Variants in TMCO5A observed in about 807,000 individuals in gnomAD.
The protein encoded by TMCO5A is transmembrane and coiled-coil domains 5A.
Under a neutral mutation model 42.3 loss-of-function variants are expected in TMCO5A, and 34 were observed. The observed-to-expected ratio is 0.80, with a 90% confidence interval of 0.61 to 1.07. The LOEUF (loss-of-function observed/expected upper bound fraction) is 1.07. TMCO5A is among the 50% of genes least tolerant of loss of function. The pLI is 0.00. For synonymous variants in TMCO5A, 131 were observed against 115.6 expected, an observed-to-expected ratio of 1.13 and a Z score of -0.86; for missense variants, 357 against 327.9, an observed-to-expected ratio of 1.09 and a Z score of -0.69.
At chr15:37,966,520 A>G in intron 11 of TMCO5A, 1 of 699,158 alleles carries the variant, frequency 1.4e-6, no homozygotes, top group Non-Finnish European at 2.6e-6. Context: ...TGTACCCACA[A>G]AATTTTTTTC....
intron 11 of TMCO5A, among the ~76,000 whole-genome samples, chr15:37,950,396 TC>T (rs1401166116): frequency 6.6e-6 from 1 of 152,132 alleles, no homozygotes; most frequent in Non-Finnish European, 1.5e-5. Flanking sequence ...TTCTTTAACA[TC>T]TTAGAGCAAG....
the TMCO5A span, among the ~76,000 whole-genome samples, chr15:37,998,938 C>T: frequency 6.6e-6 from 1 of 151,956 alleles, no homozygotes; most frequent in African/African-American, 2.4e-5. Flanking sequence ...TGGAGTTTCG[C>T]TCTTGTTGCC....
chr15:37,998,825 A>G, the TMCO5A span, among the ~76,000 whole-genome samples: 1 of 152,206 alleles, frequency 6.6e-6, no homozygotes, highest in Non-Finnish European at 1.5e-5. Flanking sequence ...CTTCCAATCC[A>G]TGAACACGAA....
At chr15:37,997,620 A>G in the TMCO5A span, among the ~76,000 whole-genome samples, 31 of 152,318 alleles carry the variant, frequency 2.0e-4, no homozygotes, top group Admixed American at 4.6e-4. Context: ...GTGGATGGAC[A>G]CTTAGGCTGC....
At chr15:38,006,026 A>G in the TMCO5A span, among the ~76,000 whole-genome samples, 1 of 152,290 alleles carries the variant, frequency 6.6e-6, no homozygotes, top group South Asian at 2.1e-4. Context: ...AGTGATCTGT[A>G]CCCAGTCTTA....
At chr15:37,941,317 C>T (rs1889731370) in intron 7 of TMCO5A, 112 bp downstream of exon 7, 2 of 1,070,494 alleles carry the variant, frequency 1.9e-6, no homozygotes, top group Non-Finnish European at 1.4e-6. Context: ...GATCCAAGAC[C>T]ATGATGGGGC....
the TMCO5A span, among the ~76,000 whole-genome samples, chr15:37,979,043 A>C: frequency 6.6e-6 from 1 of 151,760 alleles, no homozygotes; most frequent in African/African-American, 2.4e-5. Context: ...ATCACCTCCC[A>C]CCAGGCCCCA....
At chr15:37,947,582 C>T in intron 10 of TMCO5A, 74 bp from the exon 11 acceptor site, 1 of 931,468 alleles carries the variant, frequency 1.1e-6, no homozygotes, top group Non-Finnish European at 1.7e-6. Context: ...TAACTAATGG[C>T]TCACTAAATA....
chr15:38,031,334 A>G, the TMCO5A span, among the ~76,000 whole-genome samples: 4,595 of 152,208 alleles, frequency 0.03, 256 homozygotes, highest in African/African-American at 0.11. Context: ...ATGGCCCCCA[A>G]TGACCCCAGC....
Position 37,936,949 on chromosome 15 carries a change from G to A in TMCO5A, c.243G>A (p.Leu81=), listed in dbSNP as rs1466154336. The A allele has an allele frequency of 3.7e-6, 6 of 1,612,316 alleles. No individual in the cohort carries two copies. The highest frequency in any genetic ancestry group is 2.7e-5 in the African/African-American group (2 of 74,818). The change falls in exon 4 of 12, where the codon CTG becomes CTA. Residue 81 remains leucine, a synonymous_variant. Coordinates refer to ENST00000319669, the MANE Select transcript of TMCO5A (RefSeq NM_152453.4). The part of the protein sequence containing the change: ...TMERERALQE[L]EEETARLERK... ...AAAGGGAAAGAGCCTTGCAGGAGCTGGAGGAAGAAACAGCCAGACTTGTAA... is the reference window on the plus strand; with the variant it reads ...AAAGGGAAAGAGCCTTGCAGGAGCTAGAGGAAGAAACAGCCAGACTTGTAA...
the TMCO5A span, among the ~76,000 whole-genome samples, chr15:38,014,431 C>A: frequency 6.6e-6 from 1 of 152,100 alleles, no homozygotes; most frequent in African/African-American, 2.4e-5. Context: ...TTTGTTTCCT[C>A]AACTTTAACC....
the TMCO5A span, among the ~76,000 whole-genome samples, chr15:38,015,299 C>T: frequency 2.6e-5 from 4 of 152,054 alleles, no homozygotes; most frequent in Non-Finnish European, 5.9e-5. Context: ...GACAGAAAGT[C>T]AAATGCAACT....
chr15:38,040,691 C>T, the TMCO5A span: 5 of 152,110 alleles, frequency 3.3e-5, no homozygotes, highest in Admixed American at 6.6e-5. Flanking sequence ...AGAAAGAAGC[C>T]GGTCACAAAG....
the TMCO5A span, among the ~76,000 whole-genome samples, chr15:37,982,583 TTA>T: frequency 1.5e-5 from 1 of 68,038 alleles, no homozygotes; most frequent in African/African-American, 1.9e-4. Flanking sequence ...ATTTAATATA[TTA>T]TATATACTAT....
downstream of TMCO5A, among the ~76,000 whole-genome samples, chr15:37,971,656 T>C (rs941843432): frequency 6.6e-6 from 1 of 152,218 alleles, no homozygotes; most frequent in African/African-American, 2.4e-5. Context: ...CCAAGTCATA[T>C]CTTTAATGCT....
the TMCO5A span, among the ~76,000 whole-genome samples, chr15:37,972,793 C>G: frequency 6.6e-6 from 1 of 152,156 alleles, no homozygotes; most frequent in African/African-American, 2.4e-5. Context: ...CAGATTCCAT[C>G]TGACAATTTT....
At chr15:37,978,125 C>G in the TMCO5A span, among the ~76,000 whole-genome samples, 1 of 152,216 alleles carries the variant, frequency 6.6e-6, no homozygotes, top group Non-Finnish European at 1.5e-5. Flanking sequence ...GGAACGGGAA[C>G]GTTAAGCCAA....
the TMCO5A span, among the ~76,000 whole-genome samples, chr15:37,998,069 C>T: frequency 0.23 from 35,129 of 152,040 alleles, 9,630 homozygotes; most frequent in African/African-American, 0.66. Flanking sequence ...CCTATAGAGT[C>T]GTTTGAGCTC....
At chr15:38,010,217 A>G in the TMCO5A span, among the ~76,000 whole-genome samples, 1 of 151,106 alleles carries the variant, frequency 6.6e-6, no homozygotes, top group African/African-American at 2.4e-5. Context: ...ACTAAAAAAA[A>G]TACAAAAAAT....
Sources: gnomAD v4.1 joint callset for allele counts (sites outside exome capture counted in the v4.1 genomes callset) on GRCh38, gnomAD v4.1.1 for gene constraint, MANE v1.5 for transcripts, NCBI Gene and HGNC (gene_info 2026-07-23, HGNC 2026-07-21) for gene names.